Variants in CFAP221 observed in about 807,000 individuals in gnomAD.
The protein encoded by CFAP221 is cilia- and flagella-associated protein 221.
Under a neutral mutation model 113.1 loss-of-function variants are expected in CFAP221, and 97 were observed. The observed-to-expected ratio is 0.86, with a 90% CI of 0.73 to 1.02. The LOEUF (loss-of-function observed/expected upper bound fraction) is 1.02, where lower values mean the gene tolerates loss of function less well. Among genes scored for constraint, CFAP221 ranks in the 50% least tolerant of loss-of-function variants. CFAP221 has a pLI of 0.00. For synonymous variants in CFAP221, 331 were observed against 354.4 expected, an observed-to-expected ratio of 0.93 and a Z score of 0.74; for missense variants, 1,025 against 1,013.4, an observed-to-expected ratio of 1.01 and a Z score of -0.16.
In CFAP221 at chr2:119,630,590, T is replaced by A; in HGVS notation, c.1752T>A (p.Ile584=). ...FNLQVPQLYK[I]KRYQPFSVHK... ...TTCAGGTTCCTCAACTGTACAAAAT[T>A]AAGAGATATCAGCCATTCTCTGTCC... Residue 584 remains isoleucine, a synonymous_variant, in exon 18 of 24, where the codon ATT becomes ATA. Coordinates refer to ENST00000413369, the MANE Select transcript of CFAP221 (RefSeq NM_001271049.2). 1.2e-6 allele frequency: 2 copies of A among 1,612,496 alleles called. 1 individual carries two copies. The highest frequency in any genetic ancestry group is 4.5e-5 in the East Asian group (2 of 44,884).
Position 119,615,932 on chromosome 2 carries a change from G to A in CFAP221, c.1410+223G>A, listed in dbSNP as rs149785573. Among the ~76,000 whole-genome samples, 612 of 152,162 alleles carry A rather than the reference G, an allele frequency of 4.0e-3. 2 individuals carry two copies. The highest frequency in any genetic ancestry group is 0.014 in the African/African-American group (591 of 41,500). On this transcript the variant is annotated intron_variant, in intron 14 of 23. Transcript: ENST00000413369. ...TTTTATCACCTCAAAAGGAAACTTG[G>A]TGCCATTTTCAGTCACTCTCCACTC...
intron 23 of CFAP221, among the ~76,000 whole-genome samples, 184 bp downstream of exon 23, chr2:119,652,253 T>C (rs1332211150): frequency 2.6e-5 from 4 of 152,242 alleles, no homozygotes; most frequent in Admixed American, 2.6e-4. Context: ...CCTGAAATCT[T>C]GTTATCAAGT....
chr2:119,563,464 C>A (rs984469070), intron 6 of CFAP221, among the ~76,000 whole-genome samples: 7 of 152,152 alleles, frequency 4.6e-5, no homozygotes, highest in Non-Finnish European at 1.0e-4. Flanking sequence ...TATTTAAATA[C>A]TTCTGTACTG....
intron 7 of CFAP221, among the ~76,000 whole-genome samples, chr2:119,589,363 GC>G (rs1683433532): frequency 6.6e-6 from 1 of 152,236 alleles, no homozygotes; most frequent in Non-Finnish European, 1.5e-5. Flanking sequence ...CTCCTGACTT[GC>G]CAGGCATCTG....
intron 6 of CFAP221, among the ~76,000 whole-genome samples, chr2:119,585,789 C>T (rs904872670): frequency 5.3e-5 from 8 of 152,272 alleles, no homozygotes; most frequent in South Asian, 2.1e-4. Context: ...TTGGTCCATG[C>T]GACACTCTGG....
intron 19 of CFAP221, among the ~76,000 whole-genome samples, chr2:119,632,651 A>G (rs888460256): frequency 2.0e-5 from 3 of 151,898 alleles, no homozygotes; most frequent in Admixed American, 6.5e-5. Context: ...AAGAAAAATA[A>G]ATAAAAGGTA....
downstream of CFAP221, among the ~76,000 whole-genome samples, chr2:119,657,588 C>T (rs1219941071): frequency 2.0e-5 from 3 of 152,258 alleles, no homozygotes; most frequent in East Asian, 5.8e-4. Context: ...ACTCAGATTC[C>T]TCTAACATTA....
At chr2:119,595,807 G>A (rs1001978327) in intron 7 of CFAP221, among the ~76,000 whole-genome samples, 5 of 152,036 alleles carry the variant, frequency 3.3e-5, no homozygotes, top group African/African-American at 1.2e-4. Flanking sequence ...CTTGGTGGTC[G>A]AGAAGAGCTT....
At chr2:119,621,503 G>A (rs1320252959) in intron 14 of CFAP221, among the ~76,000 whole-genome samples, 1 of 152,094 alleles carries the variant, frequency 6.6e-6, no homozygotes, top group African/African-American at 2.4e-5. Flanking sequence ...AATTAACAAG[G>A]ATATTCAGGA....
intron 6 of CFAP221, among the ~76,000 whole-genome samples, chr2:119,571,431 C>G (rs563130920): frequency 6.6e-6 from 1 of 151,532 alleles, no homozygotes; most frequent in African/African-American, 2.4e-5. Flanking sequence ...TGAGCCACCA[C>G]GCCCGGCCAA....
At chr2:119,658,006 T>C (rs910179997), downstream of CFAP221, among the ~76,000 whole-genome samples, 1 of 152,216 alleles carries the variant, frequency 6.6e-6, no homozygotes, top group Non-Finnish European at 1.5e-5. Context: ...ATTAATATAA[T>C]CATGGGGAGA....
intron 13 of CFAP221, among the ~76,000 whole-genome samples, chr2:119,612,131 G>A (rs1311748084): frequency 6.6e-6 from 1 of 152,158 alleles, no homozygotes; most frequent in Non-Finnish European, 1.5e-5. Flanking sequence ...CAGAGTCCTA[G>A]TTACAACTCT....
At chr2:119,630,481 C>A in intron 17 of CFAP221, 89 bp from the exon 18 acceptor site, 1 of 980,816 alleles carries the variant, frequency 1.0e-6, no homozygotes, top group Non-Finnish European at 1.6e-6. Flanking sequence ...CTTTTACCAC[C>A]AGGAAGCTCG....
At chr2:119,646,196 T>C (rs1251722404) in intron 21 of CFAP221, among the ~76,000 whole-genome samples, 1 of 152,014 alleles carries the variant, frequency 6.6e-6, no homozygotes, top group East Asian at 1.9e-4. Flanking sequence ...AGTATAAAGG[T>C]GGAGGGAAAA....
chr2:119,625,467 T>C (rs1285609033), intron 14 of CFAP221, 116 bp from the exon 15 acceptor site: 14 of 858,174 alleles, frequency 1.6e-5, no homozygotes, highest in Non-Finnish European at 2.6e-5. Context: ...CTGTGGACTC[T>C]GACTTGCAGT....
chr2:119,641,065 G>A (rs1687459038), intron 21 of CFAP221, among the ~76,000 whole-genome samples: 1 of 152,164 alleles, frequency 6.6e-6, no homozygotes, highest in Admixed American at 6.5e-5. Flanking sequence ...GGAGATAGTT[G>A]GAATCTGGGT....
intron 23 of CFAP221, among the ~76,000 whole-genome samples, chr2:119,654,815 GA>G (rs1323344753): frequency 1.3e-5 from 2 of 151,998 alleles, no homozygotes; most frequent in African/African-American, 2.4e-5. Flanking sequence ...TTTTGTGAAC[GA>G]AAATTGTCAA....
intron 2 of CFAP221, among the ~76,000 whole-genome samples, 199 bp from the exon 3 acceptor site, chr2:119,548,886 T>C (rs747684919): frequency 2.0e-5 from 3 of 152,232 alleles, no homozygotes; most frequent in Admixed American, 6.5e-5. Context: ...TCCCAAGTGA[T>C]GTTTAAAAAT....
chr2:119,556,086 A>G (rs918157656), intron 3 of CFAP221: 6 of 152,246 alleles, frequency 3.9e-5, no homozygotes, highest in African/African-American at 1.4e-4. Context: ...TGTCTTAGAC[A>G]TTATTTGGTT....
Sources: gnomAD v4.1 joint callset for allele counts (sites outside exome capture counted in the v4.1 genomes callset) on GRCh38, gnomAD v4.1.1 for gene constraint, MANE v1.5 for transcripts, NCBI Gene and HGNC (gene_info 2026-07-23, HGNC 2026-07-21) for gene names.